P2RY12: variants seen among roughly 807,000 people sequenced by gnomAD.
P2RY12 encodes purinergic receptor P2Y12.
P2RY12 carries 3 observed loss-of-function variants against 4.5 expected under a neutral mutation model. The observed-to-expected ratio is 0.67, with a 90% CI of 0.31 to 1.74. The LOEUF (loss-of-function observed/expected upper bound fraction) is 1.74, where lower values mean the gene tolerates loss of function less well. P2RY12 is among the 40% of genes most tolerant of loss of function. The probability of loss-of-function intolerance (pLI) is 0.09; values close to 1 mark genes in which losing one functional copy is unlikely to be tolerated. For missense variants in P2RY12, 356 were observed against 407.8 expected, an observed-to-expected ratio of 0.87 and a Z score of 1.09; for synonymous variants, 148 against 154.1, an observed-to-expected ratio of 0.96 and a Z score of 0.29.
rs145284317 is a variant in P2RY12, at chr3:151,356,263, A to G, written c.-179-15503T>C. On this transcript the variant is annotated intron_variant, in intron 1 of 2. Transcript: ENST00000302632. The stretch of plus-strand genomic sequence containing the variant: ...AAAAATTTAAAAATTAGCTGGTTGC[A>G]TGCCTGTAGTCCCAGCTACTTGGGA... Among the ~76,000 whole-genome samples the G allele has an allele frequency of 2.5e-3, 376 of 152,120 alleles. 1 individual carries two copies. The highest frequency in any genetic ancestry group is 8.6e-3 in the African/African-American group (355 of 41,482).
In P2RY12 at chr3:151,368,780, A is replaced by G. The variant is rs576182011; in HGVS notation, c.-180+15912T>C. On this transcript the variant is annotated intron_variant, in intron 1 of 2. Coordinates refer to ENST00000302632, the MANE Select transcript of P2RY12 (RefSeq NM_022788.5). ...ATTTCATTTTTTTTTTTTTTTTTCC[A>G]AGACAAAGTCTTACTGTGTCACCCA... Among the ~76,000 whole-genome samples the G allele has an allele frequency of 2.4e-4, 33 of 134,884 alleles. No homozygotes were observed. In the East Asian group the frequency reaches 4.6e-3, roughly 19 times the overall value. The allele number at this position is 134,884 out of a possible 152,430, so 88.5% of individuals were successfully genotyped here.
chr3:151,357,105 A>T, intron 1 of P2RY12: 1 of 903,172 alleles, frequency 1.1e-6, no homozygotes, highest in Non-Finnish European at 1.6e-6. Flanking sequence ...AATTTAGGGA[A>T]TGTATTTGTA....
At chr3:151,367,523 C>A in intron 1 of P2RY12, 1 of 795,724 alleles carries the variant, frequency 1.3e-6, no homozygotes. Flanking sequence ...TATCATTTCC[C>A]TCTGCTGGTT....
At chr3:151,372,576 A>C in intron 1 of P2RY12, 1 of 1,613,710 alleles carries the variant, frequency 6.2e-7, no homozygotes, top group South Asian at 1.1e-5. Context: ...GGAGATGCCA[A>C]AATTGGCAAT....
At chr3:151,341,699 G>A (rs1751848872) in intron 1 of P2RY12, among the ~76,000 whole-genome samples, 1 of 151,682 alleles carries the variant, frequency 6.6e-6, no homozygotes, top group Non-Finnish European at 1.5e-5. Flanking sequence ...TTAGCATTAG[G>A]TATATCTCCT....
At chr3:151,347,989 C>T (rs907023497) in intron 1 of P2RY12, among the ~76,000 whole-genome samples, 1 of 152,240 alleles carries the variant, frequency 6.6e-6, no homozygotes, top group Admixed American at 6.5e-5. Flanking sequence ...GAGCACGTGG[C>T]TCTTTCTAGG....
At chr3:151,367,355 T>C (rs1432048304) in intron 1 of P2RY12, among the ~76,000 whole-genome samples, 2 of 152,242 alleles carry the variant, frequency 1.3e-5, no homozygotes, top group African/African-American at 4.8e-5. Flanking sequence ...TTACATCTTG[T>C]AGTGATTTCC....
At chr3:151,357,648 C>G (rs1754092354) in intron 1 of P2RY12, among the ~76,000 whole-genome samples, 1 of 152,126 alleles carries the variant, frequency 6.6e-6, no homozygotes, top group Non-Finnish European at 1.5e-5. Context: ...TTATAGCACT[C>G]TACGGTTAAT....
intron 1 of P2RY12, chr3:151,368,136 T>C: frequency 6.2e-7 from 1 of 1,609,542 alleles, no homozygotes; most frequent in Non-Finnish European, 8.5e-7. Context: ...GCTTTTCCAA[T>C]CCCCCTTTCC....
chr3:151,360,831 T>C (rs539346529), intron 1 of P2RY12, among the ~76,000 whole-genome samples: 3 of 152,248 alleles, frequency 2.0e-5, no homozygotes, highest in Admixed American at 6.5e-5. Context: ...AGGTTTTTTT[T>C]CCCCCAATAT....
intron 1 of P2RY12, among the ~76,000 whole-genome samples, chr3:151,369,051 G>A (rs565804417): frequency 5.3e-5 from 8 of 152,000 alleles, no homozygotes; most frequent in Non-Finnish European, 8.8e-5. Flanking sequence ...GTGAGCCACC[G>A]CACCCATCCC....
intron 1 of P2RY12, chr3:151,357,135 C>T: frequency 8.0e-7 from 1 of 1,250,274 alleles, no homozygotes; most frequent in South Asian, 1.6e-5. Flanking sequence ...CTCAGTATAT[C>T]TATGGTTTAT....
chr3:151,367,765 A>G, intron 1 of P2RY12: 1 of 1,602,626 alleles, frequency 6.2e-7, no homozygotes, highest in African/African-American at 1.3e-5. Flanking sequence ...TTCTAGCAGC[A>G]GGTAAGGCAG....
intron 1 of P2RY12, chr3:151,357,270 G>C (rs1056058731): frequency 6.2e-7 from 1 of 1,613,564 alleles, no homozygotes; most frequent in Admixed American, 1.7e-5. Flanking sequence ...CTCCAGCCTG[G>C]CAGGAAGTTA....
intron 1 of P2RY12, among the ~76,000 whole-genome samples, chr3:151,342,986 C>T (rs1015066157): frequency 6.6e-6 from 1 of 152,054 alleles, no homozygotes; most frequent in Non-Finnish European, 1.5e-5. Flanking sequence ...GATGGAGACC[C>T]CATTCTGACC....
intron 1 of P2RY12, chr3:151,367,631 A>ATT: frequency 6.3e-7 from 1 of 1,596,958 alleles, no homozygotes; most frequent in Non-Finnish European, 8.6e-7. Context: ...AAACCTGTCA[A>ATT]TGTTTTTCTT....
intron 1 of P2RY12, chr3:151,357,116 G>C (rs1163157462): frequency 1.4e-5 from 14 of 993,200 alleles, no homozygotes; most frequent in Non-Finnish European, 2.9e-6. Flanking sequence ...TGTATTTGTA[G>C]TGTAATGACT....
At chr3:151,348,301 T>C (rs961487660) in intron 1 of P2RY12, among the ~76,000 whole-genome samples, 8 of 145,312 alleles carry the variant, frequency 5.5e-5, no homozygotes, top group African/African-American at 1.8e-4. Context: ...TGCCCCCCTG[T>C]TTCCTTCCTA....
chr3:151,357,645 A>G (rs929039447), intron 1 of P2RY12, among the ~76,000 whole-genome samples: 3 of 152,032 alleles, frequency 2.0e-5, no homozygotes, highest in Non-Finnish European at 2.9e-5. Flanking sequence ...CATTTATAGC[A>G]CTCTACGGTT....
Sources: gnomAD v4.1 joint callset for allele counts (sites outside exome capture counted in the v4.1 genomes callset) on GRCh38, gnomAD v4.1.1 for gene constraint, MANE v1.5 for transcripts, NCBI Gene and HGNC (gene_info 2026-07-23, HGNC 2026-07-21) for gene names.